CLIC3: variants seen among roughly 807,000 people sequenced by gnomAD.
CLIC3 encodes the protein CLIC family member 3, also known as chloride intracellular channel protein 3.
In CLIC3, 29 loss-of-function variants were observed where a neutral mutation model predicts 19.9. That is an observed-to-expected ratio of 1.46 (90% CI 1.09 to 1.99). The LOEUF (loss-of-function observed/expected upper bound fraction) is 1.99. CLIC3 is among the 30% of genes most tolerant of loss of function. The probability of loss-of-function intolerance (pLI) is 0.00; values close to 1 mark genes in which losing one functional copy is unlikely to be tolerated. For missense variants in CLIC3, 365 were observed against 342.6 expected (o/e 1.07, Z -0.52); for synonymous variants, 143 against 156.4 (o/e 0.91, Z 0.64).
chr9:136,994,752 C>CT lies in CLIC3; in HGVS notation c.639dup (p.Glu214ArgfsTer34). The CT allele has an allele frequency of 6.2e-7, 1 of 1,607,440 alleles. No homozygotes were observed. Among genetic ancestry groups the CT allele is most frequent in the Non-Finnish European group, 8.5e-7 (1 of 1,177,620 alleles). On this transcript the variant is annotated frameshift_variant, in exon 6 of 6. Transcript: ENST00000494426. LOFTEE classifies it high-confidence loss of function. ...CTGTGCGGACACGTGTATTTGAACT[C>CT]TTTCTCCTGCATCGCGCTGTCCAGG...
At position 136,995,546 on chromosome 9, in the gene CLIC3, G is replaced by T; in HGVS notation, c.165C>A (p.Asp55Glu). ...TGGGCAGCTGCGAGCCGGGGGCGAAGTCCTTCAGCACGTCCGGGGACCTGC... is the reference window on the plus strand; with the variant it reads ...TGGGCAGCTGCGAGCCGGGGGCGAATTCCTTCAGCACGTCCGGGGACCTGC... Reference protein sequence around the residue: ...DTRRSPDVLKDFAPGSQLPIL... With the variant: ...DTRRSPDVLKEFAPGSQLPIL... The change falls in exon 3 of 6, where the codon GAC becomes GAA. Residue 55 changes from aspartate to glutamate, a missense_variant. By Grantham distance (45) the Asp-to-Glu change is conservative (BLOSUM62 2). Transcript: ENST00000494426. 6.2e-7 allele frequency: 1 copy of T among 1,612,472 alleles called. No homozygotes were observed.
At chr9:136,994,860 C>T (rs1830673448) in intron 5 of CLIC3, 21 bp from the exon 6 acceptor site, 2 of 1,525,750 alleles carry the variant, frequency 1.3e-6, no homozygotes, top group Non-Finnish European at 1.8e-6. Flanking sequence ...GATCGCGGGG[C>T]GCGGTCAGGA....
chr9:136,995,584 G>T lies in CLIC3; in HGVS notation c.144-17C>A. On this transcript the variant is annotated splice_polypyrimidine_tract_variant and intron_variant, in intron 2 of 5. Transcript: ENST00000494426. ...TCCGGGGACCTGCGGGCAGCAGCGGGGTGGGAGGAGGCCGGCCCACCAGTG... is the reference window on the plus strand; with the variant it reads ...TCCGGGGACCTGCGGGCAGCAGCGGTGTGGGAGGAGGCCGGCCCACCAGTG... The T allele has an allele frequency of 1.2e-6, 2 of 1,611,148 alleles. No homozygotes were observed. The highest frequency in any genetic ancestry group is 3.3e-5 in the Admixed American group (2 of 59,940).
At chr9:136,994,877 G>A in intron 5 of CLIC3, 38 bp from the exon 6 acceptor site, 1 of 1,492,316 alleles carries the variant, frequency 6.7e-7, no homozygotes, top group Non-Finnish European at 8.9e-7. Flanking sequence ...AGGACCTGCC[G>A]TCCCCCAGGC....
rs890124701 is a variant in CLIC3, at chr9:136,994,927, C to G, written c.552+3G>C. On this transcript the variant is annotated splice_donor_region_variant and intron_variant, in intron 5 of 5. Coordinates refer to ENST00000494426, the MANE Select transcript of CLIC3 (RefSeq NM_004669.3). The stretch of plus-strand genomic sequence containing the variant: ...CTCCCGCCCGCCCACCTTCCGTGCT[C>G]ACGTCGACGATGTGCAGCTTGGGCA... The G allele has an allele frequency of 3.7e-6, 5 of 1,357,526 alleles. No individual in the cohort carries two copies. The Admixed American group carries it at 9.6e-5, about 26-fold the overall frequency. 84.1% of individuals were successfully genotyped at this position (1,357,526 alleles called of 1,614,324 possible).
rs1414878244 is a variant in CLIC3 at position 136,994,941 on chromosome 9, G to A, written c.541C>T (p.His181Tyr). Residue 181 changes from histidine (H) to tyrosine (Y), a missense_variant, in exon 5 of 6, where the codon CAC becomes TAC. His to Tyr is a moderately conservative substitution (Grantham distance 83, BLOSUM62 2). Transcript: ENST00000494426. ...CCTTCCGTGCTCACGTCGACGATGT[G>A]CAGCTTGGGCAGGAGGCTGCAGTCG... ...LADCSLLPKL[H>Y]IVDTVCAHFR... The A allele has an allele frequency of 1.4e-6, 2 of 1,427,788 alleles. No individual in the cohort carries two copies. The highest frequency in any genetic ancestry group is 1.8e-6 in the Non-Finnish European group (2 of 1,083,670). 88.4% of individuals were successfully genotyped at this position (1,427,788 alleles called of 1,614,324 possible).
In CLIC3 at chr9:136,994,778, T is replaced by G; in HGVS notation, c.614A>C (p.Tyr205Ser). ...TTTCTCCTGCATCGCGCTGTCCAGG[T>G]AGCGGCGTACGCCGCGCAGCTCCGC... ...IPAELRGVRRYLDSAMQEKEF... is the reference protein window; with the variant it reads ...IPAELRGVRRSLDSAMQEKEF... The change falls in exon 6 of 6, where the codon TAC (tyrosine) becomes TCC (serine). Residue 205 changes from tyrosine (Y) to serine (S), a missense_variant. By Grantham distance (144) the Tyr-to-Ser change is moderately radical. Transcript: ENST00000494426. 1 of 1,598,614 alleles carries G rather than the reference T, an allele frequency of 6.3e-7. No individual in the cohort carries two copies. Among genetic ancestry groups the G allele is most frequent in the South Asian group, 1.1e-5 (1 of 88,886 alleles).
At chr9:136,995,356 C>A in intron 3 of CLIC3, 64 bp from the exon 4 acceptor site, 2 of 1,609,080 alleles carry the variant, frequency 1.2e-6, no homozygotes, top group Non-Finnish European at 8.5e-7. Context: ...CCCACAGTAC[C>A]CCCACAGCGC....
Position 136,994,696 on chromosome 9 carries a change from G to T in CLIC3, c.696C>A (p.Ala232=), listed in dbSNP as rs769567208. The T allele has an allele frequency of 6.2e-7, 1 of 1,609,296 alleles. No homozygotes were observed. Among genetic ancestry groups the T allele is most frequent in the Non-Finnish European group, 8.5e-7 (1 of 1,178,602 alleles). ...SAEILAAYRP[A]VHPR is the part of the protein sequence containing the mutation. ...GGGTGGGGCGCTAGCGGGGGTGCAC[G>T]GCGGGCCGGTAGGCCGCCAGGATCT... is the stretch of plus-strand genomic sequence containing the variant. The change falls in exon 6 of 6, where the codon GCC becomes GCA. Residue 232 remains alanine (A), a synonymous_variant. Transcript: ENST00000494426.
chr9:136,996,568 C>T lies in CLIC3; in HGVS notation c.-25G>A, dbSNP rs773299490. On this transcript the variant is annotated 5_prime_UTR_variant, in exon 1 of 6. Coordinates refer to ENST00000494426, the MANE Select transcript of CLIC3 (RefSeq NM_004669.3). ...TGGTGGGAGCTGCCGCGGTCAGGCG[C>T]GGGTGGGGACCTGGGGAGCTCTTTA... 17 of 1,551,376 alleles carry T rather than the reference C, an allele frequency of 1.1e-5. No homozygotes were observed. The highest frequency in any genetic ancestry group is 5.9e-5 in the South Asian group (5 of 84,120).
rs1435190267 is a variant in CLIC3, at chr9:136,994,952, A to T, written c.530T>A (p.Leu177Gln). 1.6e-6 allele frequency: 2 copies of T among 1,281,074 alleles called. No individual in the cohort carries two copies. Among genetic ancestry groups the T allele is most frequent in the African/African-American group, 3.2e-5 (2 of 62,162 alleles). The allele number at this position is 1,281,074 out of a possible 1,614,324, so 79.4% of individuals were successfully genotyped here. Reference sequence around the variant, plus strand: ...CACGTCGACGATGTGCAGCTTGGGCAGGAGGCTGCAGTCGGCCAGCGTGAG... The same window carrying T: ...CACGTCGACGATGTGCAGCTTGGGCTGGAGGCTGCAGTCGGCCAGCGTGAG... Reference protein sequence around the residue: ...DRLTLADCSLLPKLHIVDTVC... With the variant: ...DRLTLADCSLQPKLHIVDTVC... Residue 177 changes from leucine (L) to glutamine (Q), a missense_variant, in exon 5 of 6, where the codon CTG (leucine) becomes CAG (glutamine). By Grantham distance (113) the Leu-to-Gln change is moderately radical. Transcript: ENST00000494426.
Position 136,995,249 on chromosome 9 carries a change from C to T in CLIC3, c.313G>A (p.Gly105Ser). The change falls in exon 4 of 6, where the codon GGC becomes AGC. Residue 105 changes from glycine (G) to serine (S), a missense_variant. By Grantham distance (56) the Gly-to-Ser change is moderately conservative. Transcript: ENST00000494426. The part of the protein sequence containing the change: ...APRYRESNTA[G>S]NDVFHKFSAF... ...GAGAACTTGTGGAAAACGTCGTTGC[C>T]GGCGGTGTTGGACTCCCTGTAACGA... 2 of 1,612,750 alleles carry T rather than the reference C, an allele frequency of 1.2e-6. No individual in the cohort carries two copies. Among genetic ancestry groups the T allele is most frequent in the African/African-American group, 1.3e-5 (1 of 75,034 alleles).
At chr9:136,996,427 C>A in intron 1 of CLIC3, 84 bp downstream of exon 1, 1 of 1,296,210 alleles carries the variant, frequency 7.7e-7, no homozygotes. Flanking sequence ...CTGGGAGGCC[C>A]ACCCCACAGC....
intron 1 of CLIC3, 128 bp from the exon 2 acceptor site, chr9:136,995,885 C>G (rs761262094): frequency 2.0e-5 from 13 of 650,678 alleles, no homozygotes; most frequent in African/African-American, 1.5e-4. Context: ...CCAGCTTGGT[C>G]GGCGCGACTT....
In CLIC3 at chr9:136,995,045, A is replaced by T. The variant is rs960748605; in HGVS notation, c.437T>A (p.Leu146Gln). The T allele has an allele frequency of 3.3e-6, 5 of 1,515,676 alleles. No individual in the cohort carries two copies. Among genetic ancestry groups the T allele is most frequent in the Non-Finnish European group, 4.4e-6 (5 of 1,134,558 alleles). The allele number at this position is 1,515,676 out of a possible 1,614,324, so 93.9% of individuals were successfully genotyped here. ...ARLDSYLRAP[L>Q]EHELAGEPQL... is the part of the protein sequence containing the mutation. ...CGGCTCCCCCGCCAGCTCGTGCTCC[A>T]GGGGCGCGCGCAGGTAGCTGTCCAG... The change falls in exon 5 of 6, where the codon CTG (leucine) becomes CAG (glutamine). Residue 146 changes from leucine (L) to glutamine (Q), a missense_variant. Transcript: ENST00000494426.
In CLIC3 at chr9:136,995,055, G is replaced by A. The variant is rs1459329791; in HGVS notation, c.427C>T (p.Arg143Cys). The A allele has an allele frequency of 1.3e-6, 2 of 1,515,340 alleles. No individual in the cohort carries two copies. Among genetic ancestry groups the A allele is most frequent in the African/African-American group, 1.4e-5 (1 of 72,048 alleles). 93.9% of individuals were successfully genotyped at this position (1,515,340 alleles called of 1,614,324 possible). The change falls in exon 5 of 6, where the codon CGC becomes TGC. Residue 143 changes from arginine to cysteine, a missense_variant. Transcript: ENST00000494426. ...GCCAGCTCGTGCTCCAGGGGCGCGC[G>A]CAGGTAGCTGTCCAGCCTGGCGAGG... ...RALARLDSYLRAPLEHELAGE... is the reference protein window; with the variant it reads ...RALARLDSYLCAPLEHELAGE...
In CLIC3 at chr9:136,994,914, C is replaced by T; in HGVS notation, c.552+16G>A. ...CGCCGCGGTCACCCTCCCGCCCGCCCACCTTCCGTGCTCACGTCGACGATG... is the reference window on the plus strand; with the variant it reads ...CGCCGCGGTCACCCTCCCGCCCGCCTACCTTCCGTGCTCACGTCGACGATG... On this transcript the variant is annotated intron_variant, in intron 5 of 5. Transcript: ENST00000494426. The T allele has an allele frequency of 6.8e-7, 1 of 1,470,304 alleles. No individual in the cohort carries two copies. Among genetic ancestry groups the T allele is most frequent in the Non-Finnish European group, 9.0e-7 (1 of 1,115,976 alleles). 91.1% of individuals were successfully genotyped at this position (1,470,304 alleles called of 1,614,324 possible). A position where few individuals can be genotyped will look rare whatever the true frequency, so the allele number is the denominator to read the frequency against.
chr9:136,995,308 G>T lies in CLIC3; in HGVS notation c.270-16C>A. Reference sequence around the variant, plus strand: ...GCTGGGGAAGCTGCGGGATGAGGGGGTGGGACTCCATTAGACTGGGGGCAG... The same window carrying T: ...GCTGGGGAAGCTGCGGGATGAGGGGTTGGGACTCCATTAGACTGGGGGCAG... On this transcript the variant is annotated splice_polypyrimidine_tract_variant and intron_variant, in intron 3 of 5. Coordinates refer to ENST00000494426, the MANE Select transcript of CLIC3 (RefSeq NM_004669.3). 6.2e-7 allele frequency: 1 copy of T among 1,610,102 alleles called. No homozygotes were observed. Among genetic ancestry groups the T allele is most frequent in the Non-Finnish European group, 8.5e-7 (1 of 1,177,680 alleles).
chr9:136,994,648 G>T lies in CLIC3; in HGVS notation c.*33C>A, dbSNP rs749543741. 5.7e-6 allele frequency: 9 copies of T among 1,590,554 alleles called. No homozygotes were observed. The highest frequency in any genetic ancestry group is 6.8e-6 in the Non-Finnish European group (8 of 1,168,160). ...GGACACCCTCACTCCCGACAAAGATGCCTTTATTGGGCGACAGACGCGGGG... is the reference window on the plus strand; with the variant it reads ...GGACACCCTCACTCCCGACAAAGATTCCTTTATTGGGCGACAGACGCGGGG... On this transcript the variant is annotated 3_prime_UTR_variant, in exon 6 of 6. Transcript: ENST00000494426.
Sources: allele counts gnomAD v4.1 joint callset, GRCh38; gene constraint gnomAD v4.1.1; transcripts MANE v1.5; gene names NCBI Gene and HGNC (gene_info 2026-07-23, HGNC 2026-07-21).